The following ZNF385B variants were observed in gnomAD, a reference collection of about 807,000 sequenced individuals.
The protein encoded by ZNF385B is zinc finger protein 533.
Under a neutral mutation model 39.2 loss-of-function variants are expected in ZNF385B, and 23 were observed. The observed-to-expected ratio is 0.59, with a 90% CI of 0.42 to 0.83. ZNF385B has a LOEUF of 0.83. ZNF385B is among the 40% of genes least tolerant of loss of function. The pLI is 0.00. For missense variants in ZNF385B, 552 were observed against 598.9 expected (o/e 0.92, Z 0.82); for synonymous variants, 205 against 222.6 (o/e 0.92, Z 0.70).
At chr2:179,784,537 C>T (rs13033715) in intron 1 of ZNF385B, among the ~76,000 whole-genome samples, 1 of 151,960 alleles carries the variant, frequency 6.6e-6, no homozygotes, top group South Asian at 2.1e-4. Context: ...TAAGAGACAA[C>T]TCCCAGAGTG....
intron 1 of ZNF385B, among the ~76,000 whole-genome samples, chr2:179,825,158 A>G (rs16867020): frequency 0.024 from 3,644 of 152,256 alleles, 39 homozygotes; most frequent in Middle Eastern, 0.044. Flanking sequence ...TATGGTGTTT[A>G]CAGACCCTGA....
chr2:179,538,388 CT>C (rs2105886945), intron 4 of ZNF385B, among the ~76,000 whole-genome samples: 1 of 152,140 alleles, frequency 6.6e-6, no homozygotes, highest in Non-Finnish European at 1.5e-5. Flanking sequence ...TTTAGGTTTC[CT>C]TACAACAACA....
intron 3 of ZNF385B, among the ~76,000 whole-genome samples, chr2:179,695,963 C>T (rs1698705371): frequency 1.3e-5 from 2 of 152,214 alleles, no homozygotes; most frequent in Non-Finnish European, 2.9e-5. Flanking sequence ...CGTGCCACAA[C>T]ATGGCTAGGT....
chr2:179,853,010 T>C (rs1684304506), intron 1 of ZNF385B, among the ~76,000 whole-genome samples: 1 of 152,218 alleles, frequency 6.6e-6, no homozygotes, highest in African/African-American at 2.4e-5. Flanking sequence ...CTATGAAAGT[T>C]AGATTGACCC....
chr2:179,564,787 T>C (rs1684362314), intron 3 of ZNF385B, among the ~76,000 whole-genome samples: 2 of 152,088 alleles, frequency 1.3e-5, no homozygotes, highest in Admixed American at 1.3e-4. Flanking sequence ...ACCTTAACTT[T>C]TGCATTTTCC....
At chr2:179,756,027 T>A (rs1702990983) in intron 3 of ZNF385B, among the ~76,000 whole-genome samples, 1 of 152,322 alleles carries the variant, frequency 6.6e-6, no homozygotes, top group South Asian at 2.1e-4. Flanking sequence ...CTTCCCAGCC[T>A]CAGTGGTCTT....
At chr2:179,829,755 T>C (rs552175075) in intron 1 of ZNF385B, among the ~76,000 whole-genome samples, 11 of 152,268 alleles carry the variant, frequency 7.2e-5, no homozygotes, top group South Asian at 4.1e-4. Context: ...CCTCGTGATC[T>C]GCCCGCCTTG....
intron 1 of ZNF385B, among the ~76,000 whole-genome samples, chr2:179,803,347 G>A (rs1203456256): frequency 6.6e-6 from 1 of 152,114 alleles, no homozygotes; most frequent in Non-Finnish European, 1.5e-5. Flanking sequence ...AGTAATCAGT[G>A]TGGTATTAAT....
At chr2:179,797,955 T>G (rs149539306) in intron 1 of ZNF385B, among the ~76,000 whole-genome samples, 1 of 152,270 alleles carries the variant, frequency 6.6e-6, no homozygotes, top group Non-Finnish European at 1.5e-5. Context: ...TGTCATCAAT[T>G]CTTGATTATC....
At chr2:179,779,447 T>A (rs1704537337) in intron 1 of ZNF385B, among the ~76,000 whole-genome samples, 1 of 152,120 alleles carries the variant, frequency 6.6e-6, no homozygotes, top group African/African-American at 2.4e-5. Context: ...GAGCTGTCAG[T>A]CTAGGGAAAG....
At chr2:179,642,386 T>A (rs1692344963) in intron 3 of ZNF385B, among the ~76,000 whole-genome samples, 1 of 152,180 alleles carries the variant, frequency 6.6e-6, no homozygotes, top group Non-Finnish European at 1.5e-5. Flanking sequence ...TTCAACTAAC[T>A]CATACACCTG....
At chr2:179,808,391 T>C (rs1422133581) in intron 1 of ZNF385B, among the ~76,000 whole-genome samples, 1 of 152,146 alleles carries the variant, frequency 6.6e-6, no homozygotes, top group Non-Finnish European at 1.5e-5. Context: ...ATGGAGATGG[T>C]ACACACTAAA....
chr2:179,524,928 C>T (rs2058791846), intron 4 of ZNF385B, among the ~76,000 whole-genome samples: 2 of 152,046 alleles, frequency 1.3e-5, no homozygotes, highest in South Asian at 4.1e-4. Flanking sequence ...TAATAAACAT[C>T]ATTGTAAGAG....
intron 3 of ZNF385B, among the ~76,000 whole-genome samples, chr2:179,573,413 G>A (rs1015062883): frequency 1.3e-5 from 2 of 151,848 alleles, no homozygotes; most frequent in African/African-American, 4.8e-5. Flanking sequence ...TACTTTGTGA[G>A]GCCAGCAGCT....
chr2:179,562,184 G>C (rs2061377668), intron 3 of ZNF385B, among the ~76,000 whole-genome samples: 1 of 152,168 alleles, frequency 6.6e-6, no homozygotes, highest in Non-Finnish European at 1.5e-5. Flanking sequence ...ATTATAGTTA[G>C]TAAAGTGGCT....
At chr2:179,629,340 A>T (rs1479608300) in intron 3 of ZNF385B, among the ~76,000 whole-genome samples, 1 of 152,204 alleles carries the variant, frequency 6.6e-6, no homozygotes, top group Non-Finnish European at 1.5e-5. Context: ...TTATTACAGG[A>T]TCTGTCATGG....
intron 1 of ZNF385B, among the ~76,000 whole-genome samples, chr2:179,820,051 A>G (rs1462498936): frequency 6.6e-6 from 1 of 152,120 alleles, no homozygotes; most frequent in Non-Finnish European, 1.5e-5. Flanking sequence ...ATGTATGTAC[A>G]TGAGAATATG....
At chr2:179,641,976 C>T (rs542274469) in intron 3 of ZNF385B, among the ~76,000 whole-genome samples, 125 of 152,246 alleles carry the variant, frequency 8.2e-4, no homozygotes, top group African/African-American at 2.5e-3. Context: ...CTGTCTGTCT[C>T]AAGGTTTGAT....
chr2:179,832,217 C>T (rs1216154261), intron 1 of ZNF385B, among the ~76,000 whole-genome samples: 1 of 152,188 alleles, frequency 6.6e-6, no homozygotes, highest in Non-Finnish European at 1.5e-5. Flanking sequence ...CCCCTCCTCC[C>T]ACCTTGGTTC....
Sources: allele counts gnomAD v4.1 joint callset (sites outside exome capture counted in the v4.1 genomes callset), GRCh38; gene constraint gnomAD v4.1.1; transcripts MANE v1.5; gene names NCBI Gene and HGNC (gene_info 2026-07-23, HGNC 2026-07-21).